Variants in PFKP observed in about 807,000 individuals in gnomAD.
PFKP encodes phosphofructokinase, platelet.
In PFKP, 101 loss-of-function variants were observed where a neutral mutation model predicts 94.3. That is an observed-to-expected ratio of 1.07 (90% CI 0.91 to 1.26). PFKP has a LOEUF of 1.26. Ranked by LOEUF, PFKP falls within the 50% of genes most tolerant of loss-of-function variation. The pLI is 0.00. For missense variants in PFKP, 1,145 were observed against 1,103.3 expected (o/e 1.04, Z -0.53); for synonymous variants, 573 against 432.6 (o/e 1.32, Z -4.03).
intron 1 of PFKP, among the ~76,000 whole-genome samples, chr10:3,068,037 C>T (rs1323368150): frequency 6.6e-6 from 1 of 152,106 alleles, no homozygotes; most frequent in Non-Finnish European, 1.5e-5. Context: ...TTTCCACCTT[C>T]GGTTTTGTTT....
At chr10:3,090,287 G>A (rs1277755183) in intron 2 of PFKP, among the ~76,000 whole-genome samples, 1 of 152,232 alleles carries the variant, frequency 6.6e-6, no homozygotes, top group African/African-American at 2.4e-5. Flanking sequence ...TGGGCCTGCA[G>A]GACGTACTGC....
At chr10:3,125,753 G>C (rs1206812117) in intron 16 of PFKP, among the ~76,000 whole-genome samples, 2 of 152,236 alleles carry the variant, frequency 1.3e-5, no homozygotes, top group Non-Finnish European at 2.9e-5. Context: ...CCTTGGGAGG[G>C]GTGGATTCTG....
intron 18 of PFKP, among the ~76,000 whole-genome samples, 181 bp from the exon 19 acceptor site, chr10:3,133,022 A>G (rs1390105987): frequency 6.6e-6 from 1 of 152,232 alleles, no homozygotes; most frequent in African/African-American, 2.4e-5. Flanking sequence ...TCAGTTGACC[A>G]CTGGACCATG....
In PFKP at chr10:3,091,387, C is replaced by G. The variant is rs546165717; in HGVS notation, c.187-7888C>G. Among the ~76,000 whole-genome samples the G allele has an allele frequency of 7.2e-5, 11 of 152,264 alleles. No homozygotes were observed. The South Asian group carries it at 2.3e-3, about 32-fold the overall frequency. On this transcript the variant is annotated intron_variant, in intron 2 of 21. Transcript: ENST00000381125. ...GGCGAGTCAGTTGGTTAATCCAGGG[C>G]TGCCACTGTGTCTGCAGGAAACAGT...
intron 4 of PFKP, among the ~76,000 whole-genome samples, chr10:3,102,652 G>A (rs1016317109): frequency 1.3e-5 from 2 of 152,082 alleles, no homozygotes; most frequent in African/African-American, 4.8e-5. Context: ...GGCTGGTCTC[G>A]AACTCCTGAC....
chr10:3,125,127 G>A (rs1304412650), intron 16 of PFKP: 2 of 1,332,072 alleles, frequency 1.5e-6, no homozygotes, highest in Non-Finnish European at 9.9e-7. Flanking sequence ...CATGGCCGAG[G>A]CACGAGGCCG....
intron 16 of PFKP, 24 bp from the exon 17 acceptor site, chr10:3,129,795 G>T: frequency 6.2e-7 from 1 of 1,612,308 alleles, no homozygotes; most frequent in Non-Finnish European, 8.5e-7. Context: ...GGGCTGGAGT[G>T]ACTGATCGCT....
In PFKP at chr10:3,080,823, G is replaced by C. The variant is rs10903954; in HGVS notation, c.113-1565G>C. Among the ~76,000 whole-genome samples, 8 of 152,256 alleles carry C rather than the reference G, an allele frequency of 5.3e-5. No homozygotes were observed. In the South Asian group the frequency reaches 1.7e-3, roughly 32 times the overall value. ...GTCAGAGGGAGTCAGGGAGTCGGGG[G>C]TAATGTTGGGAGCAGGTGTTGGTTG... On this transcript the variant is annotated intron_variant, in intron 1 of 21. Transcript: ENST00000381125.
At chr10:3,111,917 G>C (rs10508246) in intron 10 of PFKP, among the ~76,000 whole-genome samples, 47,256 of 152,106 alleles carry the variant, frequency 0.31, 8,061 homozygotes, top group Non-Finnish European at 0.39. Flanking sequence ...TTCTCTTGGA[G>C]TTAAATCTTC....
intron 2 of PFKP, among the ~76,000 whole-genome samples, chr10:3,096,500 A>G (rs1041163953): frequency 2.6e-5 from 4 of 152,120 alleles, no homozygotes; most frequent in African/African-American, 7.2e-5. Context: ...CAGTCCTCTC[A>G]GGGAGGTCCC....
At chr10:3,100,891 GC>G in intron 3 of PFKP, 1 of 1,022,642 alleles carries the variant, frequency 9.8e-7, no homozygotes, top group Non-Finnish European at 1.4e-6. Context: ...AATCCCCCTG[GC>G]CCCAGGTTCC....
intron 7 of PFKP, among the ~76,000 whole-genome samples, chr10:3,106,179 A>G (rs1001176449): frequency 6.6e-6 from 1 of 152,046 alleles, no homozygotes; most frequent in Non-Finnish European, 1.5e-5. Flanking sequence ...TCACAGGGAG[A>G]TGGCAGGAAA....
chr10:3,116,098 T>TG (rs1554773391), intron 13 of PFKP, among the ~76,000 whole-genome samples: 37,371 of 101,546 alleles, frequency 0.37, 4,989 homozygotes, highest in African/African-American at 0.39. Context: ...CTGATTTATG[T>TG]GGGAAAAAAA....
intron 16 of PFKP, among the ~76,000 whole-genome samples, chr10:3,122,735 G>A (rs535762615): frequency 6.6e-6 from 1 of 152,344 alleles, no homozygotes; most frequent in African/African-American, 2.4e-5. Context: ...GAGGTCTGTA[G>A]ATGGCTCCAG....
chr10:3,093,878 T>G (rs7900748), intron 2 of PFKP, among the ~76,000 whole-genome samples: 3 of 151,932 alleles, frequency 2.0e-5, no homozygotes, highest in African/African-American at 4.8e-5. Context: ...CTCCTGACCT[T>G]GTGATCCGCC....
chr10:3,069,927 G>C (rs1180338702), intron 1 of PFKP, among the ~76,000 whole-genome samples: 1 of 152,326 alleles, frequency 6.6e-6, no homozygotes, highest in East Asian at 1.9e-4. Context: ...TTGAAGGTTA[G>C]TAAGTCCACG....
intron 17 of PFKP, among the ~76,000 whole-genome samples, chr10:3,131,496 A>C (rs1838584170): frequency 6.6e-6 from 1 of 152,158 alleles, no homozygotes; most frequent in South Asian, 2.1e-4. Flanking sequence ...TCGCTCTGTC[A>C]CCCAGGCTGG....
rs761538425 is a variant in PFKP at position 3,116,890 on chromosome 10, A to T, written c.1442+44A>T. Reference sequence around the variant, plus strand: ...CTCTATGACCTGCTTTTAAGGAAGAAGGAAGAGCCGTGTTCTGGGAGAGAA... The same window carrying T: ...CTCTATGACCTGCTTTTAAGGAAGATGGAAGAGCCGTGTTCTGGGAGAGAA... On this transcript the variant is annotated intron_variant, in intron 14 of 21. Transcript: ENST00000381125. 4.9e-6 allele frequency: 7 copies of T among 1,415,662 alleles called. No homozygotes were observed. In the South Asian group the frequency reaches 6.9e-5, roughly 14 times the overall value. 87.7% of individuals were successfully genotyped at this position (1,415,662 alleles called of 1,614,324 possible).
intron 1 of PFKP, among the ~76,000 whole-genome samples, chr10:3,078,328 G>T (rs769765262): frequency 2.6e-5 from 4 of 152,234 alleles, no homozygotes; most frequent in Non-Finnish European, 5.9e-5. Flanking sequence ...GTAAATGCTG[G>T]TATATTTCCC....
Sources: gnomAD v4.1 joint callset for allele counts (sites outside exome capture counted in the v4.1 genomes callset) on GRCh38, gnomAD v4.1.1 for gene constraint, MANE v1.5 for transcripts, NCBI Gene and HGNC (gene_info 2026-07-23, HGNC 2026-07-21) for gene names.